STK39: variants seen among roughly 807,000 people sequenced by gnomAD.
STK39 encodes STE20/SPS1-related proline-alanine-rich protein kinase.
STK39 carries 20 observed loss-of-function variants against 77.8 expected under a neutral mutation model. That is an observed-to-expected ratio of 0.26 (90% CI 0.18 to 0.37). The LOEUF (loss-of-function observed/expected upper bound fraction) is 0.37, where lower values mean the gene tolerates loss of function less well. Among genes scored for constraint, STK39 ranks in the 10% least tolerant of loss-of-function variants. The pLI is 1.00. For synonymous variants in STK39, 246 were observed against 234.1 expected (o/e 1.05, Z -0.47); for missense variants, 479 against 656.5 (o/e 0.73, Z 2.95).
chr2:168,214,848 A>G (rs1021779788), intron 1 of STK39, among the ~76,000 whole-genome samples: 17 of 152,096 alleles, frequency 1.1e-4, no homozygotes, highest in African/African-American at 3.9e-4. Context: ...CTGAGGTAAG[A>G]TTTTCCTCTA....
At chr2:168,085,101 G>C (rs1686331395) in intron 10 of STK39, among the ~76,000 whole-genome samples, 1 of 152,106 alleles carries the variant, frequency 6.6e-6, no homozygotes, top group African/African-American at 2.4e-5. Context: ...TTTTGATATC[G>C]TACTACAAAA....
chr2:168,140,886 G>T, intron 5 of STK39, 128 bp from the exon 6 acceptor site: 5 of 712,830 alleles, frequency 7.0e-6, no homozygotes, highest in Non-Finnish European at 1.1e-5. Context: ...CATGTCTACG[G>T]TGCTCTCTCA....
chr2:168,066,824 G>A (rs1685807639), intron 12 of STK39, among the ~76,000 whole-genome samples: 1 of 152,244 alleles, frequency 6.6e-6, no homozygotes, highest in Non-Finnish European at 1.5e-5. Flanking sequence ...CTGATGCACA[G>A]CAATATGGTA....
chr2:168,097,277 G>A (rs1445693361), intron 10 of STK39, among the ~76,000 whole-genome samples: 1 of 152,210 alleles, frequency 6.6e-6, no homozygotes, highest in Non-Finnish European at 1.5e-5. Flanking sequence ...ATTTGTTCAT[G>A]TATCCATTTT....
intron 8 of STK39, among the ~76,000 whole-genome samples, chr2:168,132,364 A>G (rs149705115): frequency 5.6e-4 from 85 of 152,108 alleles, no homozygotes; most frequent in African/African-American, 2.0e-3. Context: ...CCAACCCATC[A>G]TCCACCAACC....
At chr2:168,155,716 T>C (rs1293595728) in intron 5 of STK39, among the ~76,000 whole-genome samples, 2 of 152,208 alleles carry the variant, frequency 1.3e-5, no homozygotes, top group East Asian at 3.8e-4. Flanking sequence ...TCAGAAGTGA[T>C]ATTCCCCATT....
intron 14 of STK39, among the ~76,000 whole-genome samples, chr2:168,017,300 T>C (rs1684437116): frequency 6.6e-6 from 1 of 151,916 alleles, no homozygotes. Context: ...ATTTACCTTA[T>C]ATAAACATGC....
chr2:168,020,848 ACAGAAATGCT>A (rs1217173560), intron 14 of STK39, among the ~76,000 whole-genome samples: 1 of 152,090 alleles, frequency 6.6e-6, no homozygotes, highest in African/African-American at 2.4e-5. Flanking sequence ...CCAAATACAA[ACAGAAATGCT>A]CAATTCCTTT....
intron 10 of STK39, among the ~76,000 whole-genome samples, chr2:168,121,143 CT>C (rs565622789): frequency 6.5e-4 from 99 of 152,240 alleles, no homozygotes; most frequent in African/African-American, 2.1e-3. Flanking sequence ...TTCTCTTCTT[CT>C]TCATTCTGAG....
intron 1 of STK39, among the ~76,000 whole-genome samples, chr2:168,207,894 C>T (rs1689782806): frequency 6.6e-6 from 1 of 152,132 alleles, no homozygotes; most frequent in East Asian, 1.9e-4. Context: ...CCAAAGTCCA[C>T]ACCTTAATAA....
In STK39 at chr2:168,207,306, C is replaced by A. The variant is rs534649888; in HGVS notation, c.209-25216G>T. 4.6e-5 allele frequency among the ~76,000 whole-genome samples: 7 copies of A among 152,272 alleles called. No individual in the cohort carries two copies. In the East Asian group the frequency reaches 1.3e-3, roughly 29 times the overall value. Reference sequence around the variant, plus strand: ...ACTGAGAAACATACACACACCCTAACGAGGGAAGTAACTGAATACTATTCC... The same window carrying A: ...ACTGAGAAACATACACACACCCTAAAGAGGGAAGTAACTGAATACTATTCC... On this transcript the variant is annotated intron_variant, in intron 1 of 17. Coordinates refer to ENST00000355999, the MANE Select transcript of STK39 (RefSeq NM_013233.3).
intron 2 of STK39, among the ~76,000 whole-genome samples, chr2:168,172,941 T>A (rs931014046): frequency 6.6e-6 from 1 of 152,168 alleles, no homozygotes; most frequent in Non-Finnish European, 1.5e-5. Context: ...CTTTGACAAA[T>A]ACCCACACCT....
rs146825902 is a variant in STK39 at position 168,073,675 on chromosome 2, T to C, written c.1242+1307A>G. On this transcript the variant is annotated intron_variant, in intron 12 of 17. Coordinates refer to ENST00000355999, the MANE Select transcript of STK39 (RefSeq NM_013233.3). ...GTGCAGTCTGGCTCTGTCACCCAGGTTGGAGTGCAGTGGCACAATCTCAGC... is the reference window on the plus strand; with the variant it reads ...GTGCAGTCTGGCTCTGTCACCCAGGCTGGAGTGCAGTGGCACAATCTCAGC... Among the ~76,000 whole-genome samples the C allele has an allele frequency of 2.1e-3, 316 of 152,222 alleles. 1 individual carries two copies. Among genetic ancestry groups the C allele is most frequent in the African/African-American group, 7.0e-3 (291 of 41,536 alleles).
At chr2:167,972,602 C>T (rs755418202) in intron 16 of STK39, among the ~76,000 whole-genome samples, 3 of 152,200 alleles carry the variant, frequency 2.0e-5, no homozygotes, top group Admixed American at 6.5e-5. Context: ...CACGAACCAT[C>T]TTAAATTTTC....
chr2:168,107,368 G>T (rs1687002221), intron 10 of STK39, among the ~76,000 whole-genome samples: 1 of 152,174 alleles, frequency 6.6e-6, no homozygotes, highest in Non-Finnish European at 1.5e-5. Context: ...TGGGAATTTG[G>T]AGTTTCCCAG....
At chr2:167,974,448 G>A (rs757934422) in intron 16 of STK39, among the ~76,000 whole-genome samples, 8 of 152,034 alleles carry the variant, frequency 5.3e-5, no homozygotes, top group African/African-American at 7.2e-5. Context: ...TATTTAACAT[G>A]TTTAGTTACA....
intron 16 of STK39, among the ~76,000 whole-genome samples, chr2:168,010,383 T>C (rs2105310229): frequency 6.7e-6 from 1 of 148,320 alleles, no homozygotes; most frequent in Non-Finnish European, 1.5e-5. Context: ...GAATTGGTAA[T>C]TGGTAGGTGA....
chr2:168,103,029 G>C (rs1012860641), intron 10 of STK39, among the ~76,000 whole-genome samples: 2 of 149,052 alleles, frequency 1.3e-5, no homozygotes, highest in African/African-American at 4.9e-5. Context: ...GTAGGTTTGT[G>C]TTCCAATCAC....
At chr2:168,116,666 G>A (rs1559105004) in intron 10 of STK39, among the ~76,000 whole-genome samples, 1 of 152,082 alleles carries the variant, frequency 6.6e-6, no homozygotes, top group Non-Finnish European at 1.5e-5. Context: ...CATTCCCTGT[G>A]ATTGAATGAC....
Sources: allele counts gnomAD v4.1 joint callset (sites outside exome capture counted in the v4.1 genomes callset), GRCh38; gene constraint gnomAD v4.1.1; transcripts MANE v1.5; gene names NCBI Gene and HGNC (gene_info 2026-07-23, HGNC 2026-07-21).